The following MYLK4 variants were observed in gnomAD, a reference collection of about 807,000 sequenced individuals.
MYLK4 encodes the protein myosin light chain kinase family member 4, also known as caMLCK like.
MYLK4 carries 46 observed loss-of-function variants against 48.1 expected under a neutral mutation model. The observed-to-expected ratio is 0.96, with a 90% CI of 0.75 to 1.22. The LOEUF is 1.22. MYLK4 is among the 50% of genes most tolerant of loss of function. MYLK4 has a pLI of 0.00. For missense variants in MYLK4, 451 were observed against 486.1 expected (o/e 0.93, Z 0.68); for synonymous variants, 170 against 180.8 (o/e 0.94, Z 0.48).
At chr6:2,734,313 G>A (rs988100798) in intron 2 of MYLK4, among the ~76,000 whole-genome samples, 69 of 152,298 alleles carry the variant, frequency 4.5e-4, no homozygotes, top group African/African-American at 1.5e-3. Flanking sequence ...GTCTGTCAGC[G>A]TCTGTCACAG....
At chr6:2,736,135 G>A (rs531165134) in intron 2 of MYLK4, among the ~76,000 whole-genome samples, 10 of 152,268 alleles carry the variant, frequency 6.6e-5, no homozygotes, top group Admixed American at 6.5e-4. Flanking sequence ...AAAAGAAAAG[G>A]TCAGAAGTCA....
the MYLK4 span, among the ~76,000 whole-genome samples, chr6:2,763,367 C>T: frequency 4.6e-5 from 7 of 152,240 alleles, no homozygotes; most frequent in Non-Finnish European, 1.5e-5. Flanking sequence ...GTGAACGGCC[C>T]TGGGTGCCGT....
chr6:2,720,318 T>G (rs1054080396), intron 2 of MYLK4, among the ~76,000 whole-genome samples: 7 of 151,766 alleles, frequency 4.6e-5, no homozygotes, highest in African/African-American at 1.7e-4. Flanking sequence ...GCAGGAGAAT[T>G]GCTTGAACCC....
chr6:2,737,493 C>A (rs1763719899), intron 2 of MYLK4, among the ~76,000 whole-genome samples: 2 of 152,162 alleles, frequency 1.3e-5, no homozygotes, highest in Admixed American at 6.5e-5. Context: ...CTGTTCACAT[C>A]CTTAGAGGAC....
intron 2 of MYLK4, among the ~76,000 whole-genome samples, chr6:2,701,199 C>G (rs925963050): frequency 1.3e-5 from 2 of 152,136 alleles, no homozygotes; most frequent in African/African-American, 2.4e-5. Context: ...TCTTTGATTT[C>G]TTCCCGCCGC....
chr6:2,762,548 T>C, the MYLK4 span, among the ~76,000 whole-genome samples: 1 of 152,248 alleles, frequency 6.6e-6, no homozygotes, highest in African/African-American at 2.4e-5. Flanking sequence ...TATTTCCACA[T>C]TTAGTAACAC....
At chr6:2,687,131 T>C (rs1210106322) in intron 4 of MYLK4, among the ~76,000 whole-genome samples, 4 of 152,198 alleles carry the variant, frequency 2.6e-5, no homozygotes, top group East Asian at 1.9e-4. Flanking sequence ...CCCAGGAAAA[T>C]TCAGGGGCCT....
the MYLK4 span, among the ~76,000 whole-genome samples, chr6:2,765,246 G>C: frequency 1.4e-5 from 2 of 141,160 alleles, no homozygotes; most frequent in Non-Finnish European, 3.0e-5. Flanking sequence ...ATGGACGCAC[G>C]GCAGCTGGGG....
At chr6:2,769,972 C>T in the MYLK4 span, 3 of 1,132,110 alleles carry the variant, frequency 2.6e-6, no homozygotes, top group Non-Finnish European at 3.8e-6. Context: ...AATATTGCAT[C>T]TATATTCAGT....
At chr6:2,764,813 AGGGG>A in the MYLK4 span, among the ~76,000 whole-genome samples, 1 of 152,184 alleles carries the variant, frequency 6.6e-6, no homozygotes, top group Non-Finnish European at 1.5e-5. Context: ...CACATCTAAA[AGGGG>A]GCGAGGGACG....
intron 6 of MYLK4, among the ~76,000 whole-genome samples, chr6:2,684,138 C>T (rs1306521806): frequency 1.3e-5 from 2 of 152,130 alleles, no homozygotes; most frequent in Non-Finnish European, 2.9e-5. Context: ...ACTCTTGTGT[C>T]TTGGGGCCAT....
intron 2 of MYLK4, among the ~76,000 whole-genome samples, chr6:2,727,240 C>G (rs1763308650): frequency 6.6e-6 from 1 of 152,194 alleles, no homozygotes; most frequent in Admixed American, 6.5e-5. Context: ...AATGAAGCCA[C>G]TGCTCAGCCT....
intron 2 of MYLK4, among the ~76,000 whole-genome samples, chr6:2,693,878 C>G (rs963436091): frequency 6.6e-6 from 1 of 152,082 alleles, no homozygotes; most frequent in Non-Finnish European, 1.5e-5. Context: ...CTGCCTCAGC[C>G]TCCTGAGTAG....
the MYLK4 span, chr6:2,768,834 A>G: frequency 1.2e-6 from 2 of 1,613,706 alleles, no homozygotes; most frequent in Non-Finnish European, 1.7e-6. Flanking sequence ...TCAAAAGGAA[A>G]ACCATCCTTT....
At chr6:2,688,209 C>A (rs1476906266) in intron 4 of MYLK4, among the ~76,000 whole-genome samples, 1 of 152,104 alleles carries the variant, frequency 6.6e-6, no homozygotes, top group Non-Finnish European at 1.5e-5. Flanking sequence ...CAGGCATGCG[C>A]CACCACGCCC....
chr6:2,724,546 G>T (rs1365468945), intron 2 of MYLK4, among the ~76,000 whole-genome samples: 2 of 152,172 alleles, frequency 1.3e-5, no homozygotes, highest in Non-Finnish European at 1.5e-5. Context: ...GAAGGATAAA[G>T]CTTTTTACTC....
chr6:2,768,638 GTC>G, the MYLK4 span: 15 of 1,485,258 alleles, frequency 1.0e-5, no homozygotes, highest in Middle Eastern at 1.8e-4. Flanking sequence ...ATGGGTGCTG[GTC>G]TCTCTGTGTC....
chr6:2,726,376 G>A (rs1763275882), intron 2 of MYLK4, among the ~76,000 whole-genome samples: 2 of 152,174 alleles, frequency 1.3e-5, no homozygotes, highest in African/African-American at 4.8e-5. Flanking sequence ...AAGGGTTTCT[G>A]GACTGTTAGG....
chr6:2,691,900 C>T (rs1761818118), intron 3 of MYLK4, among the ~76,000 whole-genome samples: 1 of 152,172 alleles, frequency 6.6e-6, no homozygotes, highest in South Asian at 2.1e-4. Flanking sequence ...CTTCATTTAT[C>T]CTTTCAATAA....
Sources: gnomAD v4.1 joint callset for allele counts (sites outside exome capture counted in the v4.1 genomes callset) on GRCh38, gnomAD v4.1.1 for gene constraint, MANE v1.5 for transcripts, NCBI Gene and HGNC (gene_info 2026-07-23, HGNC 2026-07-21) for gene names.